Variants in IL1RAPL2 observed in about 807,000 individuals in gnomAD.
IL1RAPL2 encodes the protein X-linked interleukin-1 receptor accessory protein-like 2.
Under a neutral mutation model 44.1 loss-of-function variants are expected in IL1RAPL2, and 3 were observed. The observed-to-expected ratio is 0.07, with a 90% CI of 0.03 to 0.18. IL1RAPL2 has a LOEUF of 0.18. IL1RAPL2 is among the 10% of genes least tolerant of loss of function. The pLI, the probability that IL1RAPL2 is intolerant of heterozygous loss-of-function variation, is 1.00. For missense variants in IL1RAPL2, 391 were observed against 496.4 expected (o/e 0.79, Z 2.02); for synonymous variants, 181 against 178.8 (o/e 1.01, Z -0.10).
intron 1 of IL1RAPL2, among the ~76,000 whole-genome samples, chrX:104,635,417 G>A (rs1318794484): frequency 1.1e-4 from 12 of 111,233 alleles, no homozygotes; most frequent in African/African-American, 3.9e-4. Flanking sequence ...AAGTTCTCCT[G>A]GATAATATCC....
intron 3 of IL1RAPL2, among the ~76,000 whole-genome samples, chrX:105,229,823 A>G (rs996773499): frequency 3.1e-4 from 35 of 111,449 alleles, no homozygotes; most frequent in African/African-American, 1.0e-3. Flanking sequence ...TTTGAGACAG[A>G]GTCTCACTCT....
At chrX:104,753,513 C>G (rs1428051488) in intron 2 of IL1RAPL2, among the ~76,000 whole-genome samples, 1 of 111,370 alleles carries the variant, frequency 9.0e-6, no homozygotes, top group Non-Finnish European at 1.9e-5. Flanking sequence ...GGTCCTCACA[C>G]CTCAGGATTC....
At chrX:105,151,902 A>C (rs763555624) in intron 2 of IL1RAPL2, among the ~76,000 whole-genome samples, 1 of 111,711 alleles carries the variant, frequency 9.0e-6, no homozygotes, top group Non-Finnish European at 1.9e-5. Flanking sequence ...TCAGGAATGG[A>C]AAACCAAACA....
chrX:104,885,623 G>A (rs1039875749), intron 2 of IL1RAPL2, among the ~76,000 whole-genome samples: 2 of 111,749 alleles, frequency 1.8e-5, no homozygotes, highest in African/African-American at 6.5e-5. Flanking sequence ...CAACCTCGGT[G>A]TTCTATAATA....
rs185616530 is a variant in IL1RAPL2 at position 105,138,804 on chromosome X, G to T, written c.83-56671G>T. Among the ~76,000 whole-genome samples, 6 of 111,173 alleles carry T rather than the reference G, an allele frequency of 5.4e-5. No individual in the cohort carries two copies. The Admixed American group carries it at 5.8e-4, about 11-fold the overall frequency. ...GTCAGCCTCAAATCAGCATTTGGGA[G>T]TACCTTACCTCTTCCCCTTTCCACC... is the stretch of plus-strand genomic sequence containing the variant. On this transcript the variant is annotated intron_variant, in intron 2 of 10. Coordinates refer to ENST00000372582, the MANE Select transcript of IL1RAPL2 (RefSeq NM_017416.2).
intron 2 of IL1RAPL2, among the ~76,000 whole-genome samples, chrX:104,826,371 C>A (rs192793678): frequency 1.5e-3 from 172 of 111,443 alleles, no homozygotes; most frequent in African/African-American, 4.8e-3. Flanking sequence ...TCATTATTTA[C>A]CCGGTAGTCA....
chrX:105,317,618 A>G (rs1210398060), intron 5 of IL1RAPL2, among the ~76,000 whole-genome samples: 1 of 111,887 alleles, frequency 8.9e-6, no homozygotes, highest in Admixed American at 9.5e-5. Flanking sequence ...AACCAGGTTA[A>G]GAAGCTCCTT....
intron 5 of IL1RAPL2, among the ~76,000 whole-genome samples, chrX:105,393,065 G>A (rs964982476): frequency 4.4e-5 from 5 of 112,738 alleles, no homozygotes; most frequent in African/African-American, 1.6e-4. Flanking sequence ...ATGCAGTAAA[G>A]AAAGTTTAAT....
At chrX:105,300,743 G>A (rs2034691086) in intron 5 of IL1RAPL2, among the ~76,000 whole-genome samples, 2 of 111,174 alleles carry the variant, frequency 1.8e-5, no homozygotes, top group Non-Finnish European at 1.9e-5. Context: ...CACATTAAAA[G>A]CTGAGTTGGT....
chrX:105,024,536 G>GGT (rs2076927471), intron 2 of IL1RAPL2, among the ~76,000 whole-genome samples: 1 of 111,683 alleles, frequency 9.0e-6, no homozygotes, highest in Admixed American at 9.5e-5. Context: ...TTCAGAAACA[G>GGT]GTGAGGACTG....
chrX:105,125,216 T>G (rs1306244873), intron 2 of IL1RAPL2, among the ~76,000 whole-genome samples: 2 of 111,071 alleles, frequency 1.8e-5, no homozygotes, highest in African/African-American at 6.5e-5. Context: ...AAAGGGGTTG[T>G]CTGTTTTATT....
At chrX:104,627,759 T>C (rs1431906098) in intron 1 of IL1RAPL2, among the ~76,000 whole-genome samples, 1 of 111,047 alleles carries the variant, frequency 9.0e-6, no homozygotes, top group African/African-American at 3.3e-5. Context: ...ACCAAAGGGA[T>C]CTGAAAAGGG....
chrX:105,699,112 G>A (rs912413780), intron 6 of IL1RAPL2, among the ~76,000 whole-genome samples: 7 of 110,918 alleles, frequency 6.3e-5, no homozygotes, highest in African/African-American at 1.6e-4. Flanking sequence ...CTTTTAAAAT[G>A]TGTTACATAT....
At chrX:104,726,029 A>C (rs1157634678) in intron 2 of IL1RAPL2, among the ~76,000 whole-genome samples, 1 of 111,774 alleles carries the variant, frequency 8.9e-6, no homozygotes, top group African/African-American at 3.3e-5. Context: ...TCTTAGGTTT[A>C]AGTCTTTAAT....
chrX:105,039,187 A>C (rs1042478320), intron 2 of IL1RAPL2, among the ~76,000 whole-genome samples: 1 of 112,031 alleles, frequency 8.9e-6, no homozygotes, highest in Non-Finnish European at 1.9e-5. Flanking sequence ...GAAAATATTG[A>C]TTTAGCTTAG....
intron 2 of IL1RAPL2, among the ~76,000 whole-genome samples, chrX:104,744,621 A>T (rs1265335564): frequency 9.0e-6 from 1 of 111,505 alleles, no homozygotes; most frequent in Non-Finnish European, 1.9e-5. Context: ...TTCATAGCAC[A>T]ATTTATTAAT....
chrX:105,306,626 C>T (rs934156473), intron 5 of IL1RAPL2, among the ~76,000 whole-genome samples: 1 of 111,374 alleles, frequency 9.0e-6, no homozygotes, highest in Non-Finnish European at 1.9e-5. Flanking sequence ...CATGTTTCCT[C>T]CTAATTAGAT....
At chrX:105,130,685 C>T (rs2033018408) in intron 2 of IL1RAPL2, among the ~76,000 whole-genome samples, 1 of 111,274 alleles carries the variant, frequency 9.0e-6, no homozygotes, top group Non-Finnish European at 1.9e-5. Flanking sequence ...AAAACTCAGA[C>T]ACAAATCTTT....
chrX:105,029,096 C>T (rs1399670733), intron 2 of IL1RAPL2, among the ~76,000 whole-genome samples: 1 of 109,368 alleles, frequency 9.1e-6, no homozygotes, highest in African/African-American at 3.3e-5. Context: ...TATCATTCAA[C>T]GTCTTTGTTC....
Sources: allele counts gnomAD v4.1 joint callset (sites outside exome capture counted in the v4.1 genomes callset), GRCh38; gene constraint gnomAD v4.1.1; transcripts MANE v1.5; gene names NCBI Gene and HGNC (gene_info 2026-07-23, HGNC 2026-07-21).